SLC29A4: variants seen among roughly 807,000 people sequenced by gnomAD.
The protein encoded by SLC29A4 is equilibrative nucleoside transporter 4.
SLC29A4 carries 36 observed loss-of-function variants against 43.9 expected under a neutral mutation model. That is an observed-to-expected ratio of 0.82 (90% CI 0.63 to 1.08). The LOEUF (loss-of-function observed/expected upper bound fraction) is 1.08, where lower values mean the gene tolerates loss of function less well. Ranked by LOEUF, SLC29A4 falls within the 50% of genes least tolerant of loss-of-function variation. The probability of loss-of-function intolerance (pLI) is 0.00; values close to 1 mark genes in which losing one functional copy is unlikely to be tolerated. For missense variants in SLC29A4, 869 were observed against 755.3 expected (o/e 1.15, Z -1.77); for synonymous variants, 491 against 338.0 (o/e 1.45, Z -4.97).
At chr7:5,296,411 G>A (rs956954325) in intron 6 of SLC29A4, among the ~76,000 whole-genome samples, 7 of 149,916 alleles carry the variant, frequency 4.7e-5, no homozygotes, top group African/African-American at 1.7e-4. Flanking sequence ...TCGGGGTGGG[G>A]CTGCTGTGAG....
intron 6 of SLC29A4, 111 bp downstream of exon 6, chr7:5,295,045 A>T (rs1378032733): frequency 1.0e-6 from 1 of 963,062 alleles, no homozygotes; most frequent in Non-Finnish European, 1.6e-6. Context: ...GAGGCTCACA[A>T]TCCCTGGGCA....
At chr7:5,301,983 C>CA (rs1786198991) in intron 10 of SLC29A4, among the ~76,000 whole-genome samples, 2 of 152,062 alleles carry the variant, frequency 1.3e-5, no homozygotes, top group African/African-American at 2.4e-5. Context: ...TGGAGTCTTG[C>CA]TCTGTTCCCC....
In SLC29A4 at chr7:5,294,205, C is replaced by T. The variant is rs374216949; in HGVS notation, c.545-655C>T. 1.6e-4 allele frequency among the ~76,000 whole-genome samples: 25 copies of T among 152,180 alleles called. No individual in the cohort carries two copies. The South Asian group carries it at 4.4e-3, about 27-fold the overall frequency. On this transcript the variant is annotated intron_variant, in intron 5 of 10. Transcript: ENST00000396872. ...ATCCTCCCTTCTTAGCCTCTCAAAG[C>T]ACTGGGATTACAGGTGTGAGCCACC...
intron 6 of SLC29A4, among the ~76,000 whole-genome samples, chr7:5,296,681 C>A (rs1265348889): frequency 2.1e-5 from 3 of 144,446 alleles, no homozygotes; most frequent in Non-Finnish European, 4.5e-5. Flanking sequence ...GTAGGAATTG[C>A]TGGAAGGGGC....
intron 5 of SLC29A4, among the ~76,000 whole-genome samples, chr7:5,292,519 C>A (rs574874179): frequency 6.6e-6 from 1 of 152,056 alleles, no homozygotes; most frequent in Non-Finnish European, 1.5e-5. Context: ...CTCTCTCCCC[C>A]TCTCCCTCCA....
intron 9 of SLC29A4, 30 bp downstream of exon 9, chr7:5,299,457 G>T (rs1785977623): frequency 1.3e-6 from 2 of 1,595,034 alleles, no homozygotes; most frequent in Non-Finnish European, 1.7e-6. Context: ...CGGTGTCGGG[G>T]GACGCCATGG....
intron 1 of SLC29A4, among the ~76,000 whole-genome samples, 180 bp downstream of exon 1, chr7:5,283,262 C>T (rs575882117): frequency 0.012 from 1,779 of 151,558 alleles, 36 homozygotes; most frequent in African/African-American, 0.041. Context: ...GGCCCAGCCC[C>T]CCGCGCCCGG....
intron 6 of SLC29A4, 128 bp from the exon 7 acceptor site, chr7:5,296,808 G>GGGGCAGGGCCTGTGGTGGA: frequency 2.8e-6 from 3 of 1,082,924 alleles, no homozygotes; most frequent in Non-Finnish European, 3.7e-6. Flanking sequence ...CCTGTGGGTG[G>GGGGCAGGGCCTGTGGTGGA]GGGCAGGGCC....
At chr7:5,289,917 G>T (rs1366307915) in intron 2 of SLC29A4, among the ~76,000 whole-genome samples, 1 of 151,926 alleles carries the variant, frequency 6.6e-6, no homozygotes. Context: ...AAACAGTCTC[G>T]TGCTCTTGCC....
At chr7:5,295,052 G>A (rs1785558584) in intron 6 of SLC29A4, 118 bp downstream of exon 6, 2 of 901,578 alleles carry the variant, frequency 2.2e-6, no homozygotes, top group African/African-American at 1.7e-5. Flanking sequence ...ACAATCCCTG[G>A]GCAGACTGAG....
Position 5,299,019 on chromosome 7 carries a change from A to C in SLC29A4, c.914A>C (p.Glu305Ala), listed in dbSNP as rs764812752. The stretch of plus-strand genomic sequence containing the variant: ...CCAGCCCCGGCCCTGGCCCCCAACG[A>C]GTCCCCAAAGGACAGCCCAGCCCAC... ...EHPAPALAPN[E>A]SPKDSPAHEV... The change falls in exon 8 of 11, where the codon GAG becomes GCG. Residue 305 changes from glutamate to alanine, a missense_variant. Physicochemically the swap from Glu to Ala is moderately radical, Grantham distance 107. Transcript: ENST00000396872. The C allele has an allele frequency of 1.9e-6, 3 of 1,611,288 alleles. No individual in the cohort carries two copies. In the African/African-American group the frequency reaches 4.0e-5, roughly 22 times the overall value.
intron 2 of SLC29A4, 106 bp downstream of exon 2, chr7:5,288,091 G>A (rs1271031522): frequency 1.4e-6 from 2 of 1,391,230 alleles, no homozygotes; most frequent in Non-Finnish European, 9.6e-7. Flanking sequence ...TGGTCATGGA[G>A]GACTGGAGGC....
intron 10 of SLC29A4, among the ~76,000 whole-genome samples, chr7:5,302,290 C>G (rs1484505461): frequency 6.6e-6 from 1 of 152,174 alleles, no homozygotes; most frequent in South Asian, 2.1e-4. Flanking sequence ...GGGCCAGGCT[C>G]ACTGGCTCAG....
intron 10 of SLC29A4, among the ~76,000 whole-genome samples, chr7:5,301,068 G>A (rs567516249): frequency 6.6e-6 from 1 of 152,188 alleles, no homozygotes; most frequent in South Asian, 2.1e-4. Context: ...AGACCAGCCT[G>A]GGCAACACAG....
intron 1 of SLC29A4, among the ~76,000 whole-genome samples, chr7:5,286,595 T>G (rs1439750367): frequency 1.3e-5 from 2 of 152,004 alleles, no homozygotes; most frequent in East Asian, 3.9e-4. Flanking sequence ...CACACAGGGC[T>G]GCCCACACAG....
In SLC29A4 at chr7:5,297,074, G is replaced by A. The variant is rs1170482273; in HGVS notation, c.758G>A (p.Arg253Gln). Residue 253 changes from arginine (R) to glutamine (Q), a missense_variant, in exon 7 of 11, where the codon CGG becomes CAG. Physicochemically the swap from Arg to Gln is conservative, Grantham distance 43 (BLOSUM62 1). Coordinates refer to ENST00000396872, the MANE Select transcript of SLC29A4 (RefSeq NM_153247.4). Reference sequence around the variant, plus strand: ...TGTTTCCTGCTGCACCTGTTAGTGCGGCGCAGCCGCTTCGTGCTCTTCTAT... The same window carrying A: ...TGTTTCCTGCTGCACCTGTTAGTGCAGCGCAGCCGCTTCGTGCTCTTCTAT... ...LLCFLLHLLV[R>Q]RSRFVLFYTT... 2.5e-6 allele frequency: 4 copies of A among 1,607,944 alleles called. No homozygotes were observed. The highest frequency in any genetic ancestry group is 4.5e-5 in the East Asian group (2 of 44,874).
chr7:5,295,904 A>T (rs567088784), intron 6 of SLC29A4, among the ~76,000 whole-genome samples: 1 of 152,020 alleles, frequency 6.6e-6, no homozygotes, highest in African/African-American at 2.4e-5. Flanking sequence ...CAGAAAAGAC[A>T]TGCTCAGAGC....
At chr7:5,293,320 C>T (rs529763659) in intron 5 of SLC29A4, among the ~76,000 whole-genome samples, 22 of 151,850 alleles carry the variant, frequency 1.4e-4, no homozygotes, top group African/African-American at 5.1e-4. Flanking sequence ...TGCAGGCGCC[C>T]GCCACCACAC....
rs1313582596 is a variant in SLC29A4, at chr7:5,294,758, G to A, written c.545-102G>A. The A allele has an allele frequency of 4.9e-6, 6 of 1,214,890 alleles. No individual in the cohort carries two copies. The South Asian group carries it at 6.1e-5, about 12-fold the overall frequency. 75.3% of individuals were successfully genotyped at this position (1,214,890 alleles called of 1,614,324 possible). ...TCTGCCATTAGTGGTGTTAACGGCTGTTTACGCACCCTCGTCCACCAACAC... is the reference window on the plus strand; with the variant it reads ...TCTGCCATTAGTGGTGTTAACGGCTATTTACGCACCCTCGTCCACCAACAC... On this transcript the variant is annotated intron_variant, in intron 5 of 10. Coordinates refer to ENST00000396872, the MANE Select transcript of SLC29A4 (RefSeq NM_153247.4).
Sources: allele counts gnomAD v4.1 joint callset (sites outside exome capture counted in the v4.1 genomes callset), GRCh38; gene constraint gnomAD v4.1.1; transcripts MANE v1.5; gene names NCBI Gene and HGNC (gene_info 2026-07-23, HGNC 2026-07-21).